LOC400499: variants seen among roughly 807,000 people sequenced by gnomAD.
the LOC400499 span, among the ~76,000 whole-genome samples, chr16:11,438,436 T>C: frequency 2.2e-3 from 330 of 152,032 alleles, 3 homozygotes; most frequent in African/African-American, 7.8e-3. Flanking sequence ...TTCAAGTTTC[T>C]AAAACCCAAT....
the LOC400499 span, chr16:11,501,032 C>A: frequency 2.5e-6 from 1 of 398,486 alleles, no homozygotes; most frequent in Non-Finnish European, 4.4e-6. Flanking sequence ...ACCGAAGTCA[C>A]CCGGGGGTAA....
the LOC400499 span, chr16:11,473,053 T>C: frequency 6.6e-6 from 1 of 151,758 alleles, no homozygotes; most frequent in South Asian, 2.1e-4. Flanking sequence ...GAAGCAGAGG[T>C]TGCAGAGAGC....
At chr16:11,389,371 TTG>T in the LOC400499 span, among the ~76,000 whole-genome samples, 1 of 152,128 alleles carries the variant, frequency 6.6e-6, no homozygotes, top group African/African-American at 2.4e-5. Flanking sequence ...AGAAGGGTTT[TTG>T]TGTGTTAAAA....
the LOC400499 span, chr16:11,448,982 G>C: frequency 6.6e-7 from 1 of 1,519,572 alleles, no homozygotes; most frequent in East Asian, 2.5e-5. Context: ...TCAACCAGCA[G>C]TTCAGGATCT....
chr16:11,526,648 G>A, the LOC400499 span, among the ~76,000 whole-genome samples: 1 of 152,186 alleles, frequency 6.6e-6, no homozygotes, highest in African/African-American at 2.4e-5. Context: ...TAAGTAAAAT[G>A]TTATTAATTT....
At chr16:11,432,049 C>T in the LOC400499 span, among the ~76,000 whole-genome samples, 1 of 152,184 alleles carries the variant, frequency 6.6e-6, no homozygotes, top group Non-Finnish European at 1.5e-5. Context: ...CCCAAGCAGC[C>T]ACTTGAAAAG....
the LOC400499 span, chr16:11,404,958 A>G: frequency 3.4e-4 from 136 of 398,202 alleles, 1 homozygote; most frequent in African/African-American, 2.5e-3. Flanking sequence ...GGAAAAAGGG[A>G]ATATTTGTGG....
chr16:11,413,828 T>C, the LOC400499 span, among the ~76,000 whole-genome samples: 1 of 152,160 alleles, frequency 6.6e-6, no homozygotes, highest in Non-Finnish European at 1.5e-5. Flanking sequence ...ATAGGTAATA[T>C]CATCATCCCT....
the LOC400499 span, among the ~76,000 whole-genome samples, chr16:11,515,575 G>GAGGGGA: frequency 6.6e-5 from 10 of 151,712 alleles, no homozygotes; most frequent in Non-Finnish European, 1.0e-4. Context: ...GAGGAGAAGG[G>GAGGGGA]AGGGGAAGGG....
chr16:11,473,282 C>T, the LOC400499 span: 1 of 149,598 alleles, frequency 6.7e-6, no homozygotes, highest in African/African-American at 2.5e-5. Flanking sequence ...AAAAAAGAAA[C>T]ATTATCAAGA....
the LOC400499 span, chr16:11,396,671 A>T: frequency 1.6e-6 from 2 of 1,231,812 alleles, no homozygotes; most frequent in Non-Finnish European, 2.0e-6. Context: ...GACGACCAAG[A>T]GGGCCTGGGA....
At chr16:11,399,799 T>C in the LOC400499 span, 1 of 398,832 alleles carries the variant, frequency 2.5e-6, no homozygotes, top group Non-Finnish European at 4.4e-6. Context: ...TTGTCCTCTG[T>C]TCCAGGTGAG....
chr16:11,520,916 T>G, the LOC400499 span, among the ~76,000 whole-genome samples: 1 of 152,236 alleles, frequency 6.6e-6, no homozygotes, highest in Non-Finnish European at 1.5e-5. Flanking sequence ...ATACACTGGT[T>G]CTTTATATCC....
the LOC400499 span, among the ~76,000 whole-genome samples, chr16:11,433,772 G>A: frequency 2.0e-5 from 3 of 152,224 alleles, no homozygotes; most frequent in Non-Finnish European, 4.4e-5. Context: ...GAACCATGGG[G>A]TTCACAGAGA....
the LOC400499 span, among the ~76,000 whole-genome samples, chr16:11,403,694 G>A: frequency 6.6e-6 from 1 of 152,142 alleles, no homozygotes; most frequent in Admixed American, 6.5e-5. Flanking sequence ...GTGCTCAGGA[G>A]GTTCCTTACA....
the LOC400499 span, among the ~76,000 whole-genome samples, chr16:11,393,736 C>T: frequency 6.6e-6 from 1 of 152,190 alleles, no homozygotes; most frequent in Admixed American, 6.5e-5. Context: ...TTCCCCACGC[C>T]ATATCCCTGT....
At chr16:11,445,168 C>T in the LOC400499 span, among the ~76,000 whole-genome samples, 1 of 151,792 alleles carries the variant, frequency 6.6e-6, no homozygotes, top group African/African-American at 2.4e-5. Flanking sequence ...CAGCGGTAAT[C>T]CCAGCACTTT....
the LOC400499 span, among the ~76,000 whole-genome samples, chr16:11,527,445 G>A: frequency 2.0e-5 from 3 of 152,162 alleles, no homozygotes; most frequent in Non-Finnish European, 4.4e-5. Flanking sequence ...GGAAAAAAAA[G>A]GAGCTTGACT....
At chr16:11,378,589 C>G in the LOC400499 span, among the ~76,000 whole-genome samples, 2 of 152,132 alleles carry the variant, frequency 1.3e-5, no homozygotes, top group African/African-American at 4.8e-5. Flanking sequence ...TAAGTGTGTA[C>G]AGCTACAAAT....
Sources: allele counts gnomAD v4.1 joint callset (sites outside exome capture counted in the v4.1 genomes callset), GRCh38; gene constraint gnomAD v4.1.1; transcripts MANE v1.5.